MYO1B: variants seen among roughly 807,000 people sequenced by gnomAD.
MYO1B encodes unconventional myosin-Ib.
In MYO1B, 72 loss-of-function variants were observed where a neutral mutation model predicts 159.7. That is an observed-to-expected ratio of 0.45 (90% confidence interval 0.37 to 0.55). The LOEUF is 0.55. Among genes scored for constraint, MYO1B ranks in the 20% least tolerant of loss-of-function variants. MYO1B has a pLI of 0.00. For missense variants in MYO1B, 1,062 were observed against 1,364.8 expected (o/e 0.78, Z 3.50); for synonymous variants, 468 against 473.8 (o/e 0.99, Z 0.16).
intron 13 of MYO1B, among the ~76,000 whole-genome samples, chr2:191,379,517 C>G (rs1305278436): frequency 6.6e-6 from 1 of 152,048 alleles, no homozygotes; most frequent in East Asian, 1.9e-4. Flanking sequence ...TTTCATGGTC[C>G]TGTTTTAGAA....
rs757479782 is a variant in MYO1B at position 191,360,748 on chromosome 2, G to GTGGTGT, written c.661+22_661+27dup. ...CTCCTCAGTAAGTCTCTGTTTCTAT[G>GTGGTGT]TGGTGTTGTTGTTGTTGTTGTTGTT... On this transcript the variant is annotated intron_variant, in intron 8 of 30. Coordinates refer to ENST00000392318, the MANE Select transcript of MYO1B (RefSeq NM_001130158.3). 1 of 1,122,346 alleles carries GTGGTGT rather than the reference G, an allele frequency of 8.9e-7. No individual in the cohort carries two copies. Among genetic ancestry groups the GTGGTGT allele is most frequent in the Non-Finnish European group, 1.2e-6 (1 of 801,274 alleles). 69.5% of individuals were successfully genotyped at this position (1,122,346 alleles called of 1,614,324 possible).
intron 30 of MYO1B, among the ~76,000 whole-genome samples, chr2:191,418,992 C>T (rs1000012403): frequency 9.2e-5 from 14 of 152,166 alleles, no homozygotes; most frequent in African/African-American, 3.1e-4. Flanking sequence ...GCACAGATGA[C>T]GGTGGTCCCC....
In MYO1B at chr2:191,415,229, T is replaced by C. The variant is rs1014197426; in HGVS notation, c.3159+560T>C. ...TAGTAAGAGTGCCTACTTCATAGCATTGTTGTAAGGATTAAGGATTAAATG... is the reference window on the plus strand; with the variant it reads ...TAGTAAGAGTGCCTACTTCATAGCACTGTTGTAAGGATTAAGGATTAAATG... On this transcript the variant is annotated intron_variant, in intron 29 of 30. Transcript: ENST00000392318. Among the ~76,000 whole-genome samples the C allele has an allele frequency of 1.2e-4, 18 of 152,316 alleles. No homozygotes were observed. The East Asian group carries it at 2.5e-3, about 21-fold the overall frequency.
intron 7 of MYO1B, among the ~76,000 whole-genome samples, chr2:191,352,972 T>C (rs557229868): frequency 6.6e-6 from 1 of 152,294 alleles, no homozygotes; most frequent in South Asian, 2.1e-4. Context: ...AAAGCATAGA[T>C]TGTCATTGGC....
chr2:191,326,733 T>C (rs1456738223), intron 3 of MYO1B, among the ~76,000 whole-genome samples: 2 of 151,564 alleles, frequency 1.3e-5, no homozygotes, highest in Non-Finnish European at 2.9e-5. Context: ...CACAACAGGG[T>C]GATTTGGTGA....
chr2:191,398,468 A>C, intron 21 of MYO1B, among the ~76,000 whole-genome samples: 1 of 138,462 alleles, frequency 7.2e-6, no homozygotes. Flanking sequence ...CTCACTTCCC[A>C]GACGGGGTGG....
chr2:191,405,608 G>A (rs1696869574), intron 24 of MYO1B, among the ~76,000 whole-genome samples: 1 of 152,224 alleles, frequency 6.6e-6, no homozygotes, highest in Non-Finnish European at 1.5e-5. Flanking sequence ...GTGTTAGCAG[G>A]CATGAAAACA....
At chr2:191,299,366 A>G (rs1409167045) in intron 3 of MYO1B, among the ~76,000 whole-genome samples, 1 of 152,220 alleles carries the variant, frequency 6.6e-6, no homozygotes, top group Non-Finnish European at 1.5e-5. Context: ...ATGCATCTGA[A>G]GTTGCCAGAT....
At chr2:191,288,900 G>A (rs570998324) in intron 2 of MYO1B, among the ~76,000 whole-genome samples, 1 of 152,292 alleles carries the variant, frequency 6.6e-6, no homozygotes, top group Admixed American at 6.5e-5. Flanking sequence ...AAAGTAACAT[G>A]ACTTGGAGAC....
intron 3 of MYO1B, among the ~76,000 whole-genome samples, chr2:191,307,458 G>A (rs1044078851): frequency 6.6e-6 from 1 of 152,154 alleles, no homozygotes; most frequent in African/African-American, 2.4e-5. Context: ...TTTATAACCT[G>A]TATCTTGGGC....
rs886376547 is a variant in MYO1B, at chr2:191,386,118, G to T, written c.1554+34G>T. 31 of 1,605,310 alleles carry T rather than the reference G, an allele frequency of 1.9e-5. 1 individual carries two copies. In the Middle Eastern group the frequency reaches 5.0e-4, roughly 26 times the overall value. The stretch of plus-strand genomic sequence containing the variant: ...GAGCTGTGAGCACCCAGTCAGGCCT[G>T]CCAAGTTACCCCTGCAAGGAGGCTG... On this transcript the variant is annotated intron_variant, in intron 16 of 30. Transcript: ENST00000392318.
intron 1 of MYO1B, among the ~76,000 whole-genome samples, chr2:191,266,210 G>C (rs992558791): frequency 6.6e-6 from 1 of 152,174 alleles, no homozygotes; most frequent in Admixed American, 6.5e-5. Flanking sequence ...CACCTGCTAG[G>C]AGACAGGACA....
chr2:191,417,698 A>G (rs1697659708), intron 30 of MYO1B, among the ~76,000 whole-genome samples: 1 of 152,246 alleles, frequency 6.6e-6, no homozygotes, highest in African/African-American at 2.4e-5. Context: ...TTGCTTGTAC[A>G]GGATGCTAAT....
At chr2:191,408,228 T>C in intron 25 of MYO1B, 39 bp downstream of exon 25, 3 of 1,461,890 alleles carry the variant, frequency 2.1e-6, no homozygotes, top group Non-Finnish European at 1.9e-6. Context: ...ATCAGCATTG[T>C]GGAATTACCC....
chr2:191,413,271 C>G (rs898678116), intron 27 of MYO1B, among the ~76,000 whole-genome samples: 1 of 152,184 alleles, frequency 6.6e-6, no homozygotes, highest in Non-Finnish European at 1.5e-5. Flanking sequence ...GCCTAGCCTA[C>G]CTTAAACATG....
At chr2:191,309,246 C>A (rs914866971) in intron 3 of MYO1B, among the ~76,000 whole-genome samples, 1 of 152,186 alleles carries the variant, frequency 6.6e-6, no homozygotes, top group Non-Finnish European at 1.5e-5. Context: ...TTTGGTTACT[C>A]GATGCAAAAC....
intron 13 of MYO1B, among the ~76,000 whole-genome samples, chr2:191,374,539 T>C (rs183499501): frequency 2.7e-4 from 41 of 152,306 alleles, no homozygotes; most frequent in Admixed American, 2.5e-3. Flanking sequence ...CTGTGGTCTG[T>C]CTCTGAACGG....
At chr2:191,297,557 G>A (rs1353199281) in intron 3 of MYO1B, among the ~76,000 whole-genome samples, 1 of 152,138 alleles carries the variant, frequency 6.6e-6, no homozygotes, top group African/African-American at 2.4e-5. Context: ...CAGATGATAT[G>A]CTGAAAACAA....
chr2:191,286,251 T>C (rs757225871), intron 2 of MYO1B, among the ~76,000 whole-genome samples: 25 of 152,138 alleles, frequency 1.6e-4, no homozygotes, highest in Admixed American at 3.3e-4. Context: ...TTATTCACCT[T>C]ATACTTGTAA....
Sources: allele counts gnomAD v4.1 joint callset (sites outside exome capture counted in the v4.1 genomes callset), GRCh38; gene constraint gnomAD v4.1.1; transcripts MANE v1.5; gene names NCBI Gene and HGNC (gene_info 2026-07-23, HGNC 2026-07-21).